PDE1C: variants seen among roughly 807,000 people sequenced by gnomAD.
PDE1C encodes dual specificity calcium/calmodulin-dependent 3',5'-cyclic nucleotide phosphodiesterase 1C.
Under a neutral mutation model 93.1 loss-of-function variants are expected in PDE1C, and 62 were observed. The ratio of observed to expected loss-of-function variants is 0.67; its 90% CI spans 0.54 to 0.82. PDE1C has a LOEUF of 0.82. Ranked by LOEUF, PDE1C falls within the 40% of genes least tolerant of loss-of-function variation. PDE1C has a pLI of 0.00. For missense variants in PDE1C, 742 were observed against 884.6 expected (o/e 0.84, Z 2.04); for synonymous variants, 325 against 310.1 (o/e 1.05, Z -0.50).
At chr7:32,292,031 T>C (rs1812364849) in intron 1 of PDE1C, among the ~76,000 whole-genome samples, 1 of 152,204 alleles carries the variant, frequency 6.6e-6, no homozygotes, top group South Asian at 2.1e-4. Flanking sequence ...AGTGTTATGT[T>C]CAGCAAATAT....
At chr7:31,618,252 C>T in the PDE1C span, among the ~76,000 whole-genome samples, 3 of 152,194 alleles carry the variant, frequency 2.0e-5, no homozygotes, top group East Asian at 3.9e-4. Flanking sequence ...TTTCTGCCCC[C>T]TCACTTCTCC....
chr7:32,021,217 C>T (rs1788623320), intron 2 of PDE1C, among the ~76,000 whole-genome samples: 1 of 152,078 alleles, frequency 6.6e-6, no homozygotes, highest in African/African-American at 2.4e-5. Context: ...TGGATTTTCC[C>T]ACATCCATAG....
intron 2 of PDE1C, among the ~76,000 whole-genome samples, chr7:31,950,251 T>C (rs924879394): frequency 2.6e-5 from 4 of 152,184 alleles, no homozygotes; most frequent in Non-Finnish European, 4.4e-5. Flanking sequence ...ATAAAGAAGA[T>C]GCAAGCTCTA....
chr7:32,003,167 T>C (rs1178812792), intron 2 of PDE1C, among the ~76,000 whole-genome samples: 1 of 152,162 alleles, frequency 6.6e-6, no homozygotes, highest in Non-Finnish European at 1.5e-5. Flanking sequence ...ATCAACAGCT[T>C]CTCTCTGGAA....
chr7:32,004,389 G>C (rs1785902150), intron 2 of PDE1C, among the ~76,000 whole-genome samples: 1 of 152,166 alleles, frequency 6.6e-6, no homozygotes, highest in Non-Finnish European at 1.5e-5. Flanking sequence ...GGGGTCCATA[G>C]ATGGAGTGGA....
At chr7:32,048,619 G>C (rs1792921773) in intron 2 of PDE1C, among the ~76,000 whole-genome samples, 1 of 152,126 alleles carries the variant, frequency 6.6e-6, no homozygotes, top group African/African-American at 2.4e-5. Context: ...AGCAGCCCCA[G>C]TTGACACCAG....
At chr7:31,899,928 C>T in intron 2 of PDE1C, among the ~76,000 whole-genome samples, 1 of 152,154 alleles carries the variant, frequency 6.6e-6, no homozygotes, top group Non-Finnish European at 1.5e-5. Context: ...GTGCTACTGG[C>T]ATCTAATAGG....
intron 1 of PDE1C, among the ~76,000 whole-genome samples, chr7:32,310,233 G>T (rs1278415683): frequency 6.6e-6 from 1 of 151,796 alleles, no homozygotes; most frequent in East Asian, 1.9e-4. Context: ...CAATACAGGA[G>T]CACCCAGATT....
intron 3 of PDE1C, among the ~76,000 whole-genome samples, chr7:32,085,410 A>T (rs1797006204): frequency 1.4e-5 from 2 of 146,772 alleles, no homozygotes; most frequent in African/African-American, 5.1e-5. Flanking sequence ...TCACAGCCAA[A>T]TTCTACCAGA....
chr7:31,700,479 A>G, the PDE1C span, among the ~76,000 whole-genome samples: 1 of 152,238 alleles, frequency 6.6e-6, no homozygotes, highest in Admixed American at 6.5e-5. Context: ...GCCATCTCCC[A>G]TAAAAGTGCA....
chr7:32,296,528 C>A (rs1812613877), intron 1 of PDE1C, among the ~76,000 whole-genome samples: 1 of 152,174 alleles, frequency 6.6e-6, no homozygotes, highest in Non-Finnish European at 1.5e-5. Flanking sequence ...TCTCAGCAAT[C>A]TGAAATAAGT....
intron 2 of PDE1C, among the ~76,000 whole-genome samples, chr7:31,888,598 T>C (rs1798255075): frequency 6.6e-6 from 1 of 152,128 alleles, no homozygotes; most frequent in African/African-American, 2.4e-5. Context: ...TTTCTGAAGA[T>C]ACATTTAAAA....
the PDE1C span, among the ~76,000 whole-genome samples, chr7:31,623,286 G>T: frequency 4.6e-5 from 7 of 152,068 alleles, no homozygotes; most frequent in African/African-American, 1.2e-4. Context: ...CCAAAGCCGG[G>T]CAGAGACACA....
At chr7:31,997,887 G>A (rs1387356867) in intron 2 of PDE1C, among the ~76,000 whole-genome samples, 2 of 152,098 alleles carry the variant, frequency 1.3e-5, no homozygotes, top group African/African-American at 2.4e-5. Context: ...CATAGAGCAC[G>A]GGAGCATAAT....
At chr7:31,907,070 G>GGTGTGT (rs55999814) in intron 2 of PDE1C, among the ~76,000 whole-genome samples, 27,095 of 145,136 alleles carry the variant, frequency 0.19, 2,805 homozygotes, top group East Asian at 0.54. Context: ...TGATATGTGG[G>GGTGTGT]GTGTGTGTGT....
the PDE1C span, among the ~76,000 whole-genome samples, chr7:31,735,915 T>G: frequency 6.6e-6 from 1 of 152,240 alleles, no homozygotes; most frequent in Non-Finnish European, 1.5e-5. Flanking sequence ...AGCGGCATAG[T>G]ATTTGCATAT....
At chr7:32,129,537 T>TGGC (rs1799805957) in intron 3 of PDE1C, among the ~76,000 whole-genome samples, 8 of 151,674 alleles carry the variant, frequency 5.3e-5, no homozygotes, top group African/African-American at 1.2e-4. Context: ...TGTTAAAATA[T>TGGC]AATAAATAAC....
intron 12 of PDE1C, among the ~76,000 whole-genome samples, chr7:31,826,495 CTTT>C (rs1268460724): frequency 6.6e-6 from 1 of 151,848 alleles, no homozygotes; most frequent in East Asian, 1.9e-4. Context: ...CCATTTTTGC[CTTT>C]TTTTTCCTGA....
intron 16 of PDE1C, chr7:31,786,957 C>CTATCTATCT (rs1280610609): frequency 9.2e-6 from 1 of 108,478 alleles, no homozygotes; most frequent in Non-Finnish European, 1.8e-5. Flanking sequence ...ATCTATCTAT[C>CTATCTATCT]ATCTATCTAT....
Sources: gnomAD v4.1 joint callset for allele counts (sites outside exome capture counted in the v4.1 genomes callset) on GRCh38, gnomAD v4.1.1 for gene constraint, MANE v1.5 for transcripts, NCBI Gene and HGNC (gene_info 2026-07-23, HGNC 2026-07-21) for gene names.